The following ZNF30 variants were observed in gnomAD, a reference collection of about 807,000 sequenced individuals.
ZNF30 encodes zinc finger protein 30, also known as zinc finger protein 30 (KOX 28).
A neutral mutation model predicts 13.2 loss-of-function variants in ZNF30; 15 were observed. The observed-to-expected ratio is 1.13, with a 90% CI of 0.76 to 1.75. The LOEUF (loss-of-function observed/expected upper bound fraction) is 1.75, where lower values mean the gene tolerates loss of function less well. ZNF30 is among the 40% of genes most tolerant of loss of function. ZNF30 has a pLI of 0.00. For synonymous variants in ZNF30, 223 were observed against 256.6 expected, an observed-to-expected ratio of 0.87 and a Z score of 1.25; for missense variants, 726 against 757.0, an observed-to-expected ratio of 0.96 and a Z score of 0.48.
upstream of ZNF30, among the ~76,000 whole-genome samples, chr19:34,924,992 A>G (rs2151658729): frequency 6.6e-6 from 1 of 152,326 alleles, no homozygotes; most frequent in South Asian, 2.1e-4. Flanking sequence ...ATGCGAGGCT[A>G]CTTAGGTTGA....
chr19:34,926,894 G>C (rs1469574275), upstream of ZNF30: 1 of 398,242 alleles, frequency 2.5e-6, no homozygotes, highest in African/African-American at 2.1e-5. Flanking sequence ...CCGGGCGCCG[G>C]TGGGCGGCCT....
Position 34,944,374 on chromosome 19 carries a change from C to T in ZNF30, c.1408C>T (p.His470Tyr). The T allele has an allele frequency of 6.2e-7, 1 of 1,613,890 alleles. No homozygotes were observed. The highest frequency in any genetic ancestry group is 1.7e-5 in the Admixed American group (1 of 60,000). ...ECGKAFRVHV[H>Y]LTQHRKIHTD... is the part of the protein sequence containing the mutation. Reference sequence around the variant, plus strand: ...TGGCAAGGCCTTCAGAGTGCACGTACATCTCACACAGCATCGGAAAATTCA... The same window carrying T: ...TGGCAAGGCCTTCAGAGTGCACGTATATCTCACACAGCATCGGAAAATTCA... The change falls in exon 5 of 5, where the codon CAT becomes TAT. Residue 470 changes from histidine (H) to tyrosine (Y), a missense_variant. Physicochemically the swap from His to Tyr is moderately conservative, Grantham distance 83. Transcript: ENST00000601142.
intron 3 of ZNF30, among the ~76,000 whole-genome samples, chr19:34,932,725 T>C (rs1469975336): frequency 6.6e-6 from 1 of 151,906 alleles, no homozygotes; most frequent in Non-Finnish European, 1.5e-5. Context: ...AGCAGAAACT[T>C]GAACCCAGGC....
intron 4 of ZNF30, 69 bp from the exon 5 acceptor site, chr19:34,943,154 T>C (rs1275786706): frequency 8.1e-7 from 1 of 1,236,616 alleles, no homozygotes; most frequent in Non-Finnish European, 1.1e-6. Context: ...TATTTTCAGT[T>C]TTTCTCTTTT....
At position 34,926,984 on chromosome 19, in the gene ZNF30, T is replaced by C. The variant is rs1173748995; in HGVS notation, c.-297T>C. ...AGAGGCTGCAGCTATCCGGCCAATGTAGCCTGAAACTACATTTCTCAGCGG... is the reference window on the plus strand; with the variant it reads ...AGAGGCTGCAGCTATCCGGCCAATGCAGCCTGAAACTACATTTCTCAGCGG... On this transcript the variant is annotated 5_prime_UTR_variant, in exon 1 of 5. It removes the in-frame stop codon of an upstream open reading frame in the 5' UTR. Transcript: ENST00000601142. 1 of 398,630 alleles carries C rather than the reference T, an allele frequency of 2.5e-6. No homozygotes were observed. Among genetic ancestry groups the C allele is most frequent in the East Asian group, 3.6e-5 (1 of 28,078 alleles). The allele number at this position is 398,630 out of a possible 1,614,324, so 24.7% of individuals were successfully genotyped here.
intron 4 of ZNF30, among the ~76,000 whole-genome samples, chr19:34,938,411 A>G (rs1199639595): frequency 6.6e-6 from 1 of 151,998 alleles, no homozygotes; most frequent in Non-Finnish European, 1.5e-5. Flanking sequence ...ACCTCTTAAT[A>G]TCTAGAAGTA....
intron 1 of ZNF30, among the ~76,000 whole-genome samples, chr19:34,929,404 C>A (rs1171830456): frequency 6.6e-6 from 1 of 152,206 alleles, no homozygotes; most frequent in East Asian, 1.9e-4. Context: ...GGAGCTGATA[C>A]TCCTATTACT....
intron 4 of ZNF30, among the ~76,000 whole-genome samples, chr19:34,936,438 G>A (rs190379231): frequency 2.0e-4 from 30 of 152,194 alleles, no homozygotes; most frequent in Non-Finnish European, 3.4e-4. Context: ...GTACGGTCAC[G>A]TGAGATGGTA....
upstream of ZNF30, chr19:34,926,855 C>T: frequency 2.5e-6 from 1 of 397,366 alleles, no homozygotes; most frequent in Non-Finnish European, 4.4e-6. Flanking sequence ...CCTGCGCATT[C>T]TCAGCCGGAC....
chr19:34,930,115 G>A (rs1295295973), intron 2 of ZNF30, among the ~76,000 whole-genome samples, 159 bp downstream of exon 2: 1 of 152,108 alleles, frequency 6.6e-6, no homozygotes, highest in Non-Finnish European at 1.5e-5. Flanking sequence ...TCCTCCTTAC[G>A]AGGTCCTCAT....
chr19:34,937,821 C>T (rs1408987945), intron 4 of ZNF30, among the ~76,000 whole-genome samples: 1 of 151,870 alleles, frequency 6.6e-6, no homozygotes, highest in East Asian at 1.9e-4. Context: ...TTTTTCAAGA[C>T]GGAGTCCCAC....
rs1342296887 is a variant in ZNF30, at chr19:34,931,990, A to T, written c.157A>T (p.Met53Leu). The T allele has an allele frequency of 8.1e-6, 13 of 1,595,334 alleles. No homozygotes were observed. Among genetic ancestry groups the T allele is most frequent in the Non-Finnish European group, 1.0e-5 (12 of 1,173,718 alleles). The part of the protein sequence containing the change: ...MLENYRNLVS[M>L]GHSRSKPHVI... ...GGAGAACTACAGGAACTTGGTGTCA[A>T]TGGGTAAGTGTACTTCTCTCAAATA... The change falls in exon 3 of 5, where the codon ATG (methionine) becomes TTG (leucine). Residue 53 changes from methionine to leucine, a missense_variant. Met to Leu is a conservative substitution (Grantham distance 15). Transcript: ENST00000601142.
chr19:34,924,296 T>C (rs1303249057), upstream of ZNF30, among the ~76,000 whole-genome samples: 2 of 152,164 alleles, frequency 1.3e-5, no homozygotes, highest in Admixed American at 6.5e-5. Context: ...AAAAACCCTA[T>C]GATTTAAAAA....
chr19:34,931,015 C>A (rs1184959134), intron 2 of ZNF30, among the ~76,000 whole-genome samples: 1 of 150,356 alleles, frequency 6.7e-6, no homozygotes, highest in Non-Finnish European at 1.5e-5. Context: ...AGTATAAAAT[C>A]ATTACTTTTT....
chr19:34,934,698 T>C (rs115191315), intron 4 of ZNF30, among the ~76,000 whole-genome samples: 1,670 of 152,306 alleles, frequency 0.011, 37 homozygotes, highest in African/African-American at 0.038. Context: ...TACAGCTTGA[T>C]GAGTTATTAT....
intron 4 of ZNF30, among the ~76,000 whole-genome samples, chr19:34,940,304 A>G (rs374473163): frequency 1.3e-5 from 2 of 152,170 alleles, no homozygotes; most frequent in East Asian, 1.9e-4. Context: ...TCTTGGGACC[A>G]TGATTATCCA....
At chr19:34,935,300 G>A (rs1434166157) in intron 4 of ZNF30, among the ~76,000 whole-genome samples, 3 of 152,066 alleles carry the variant, frequency 2.0e-5, no homozygotes, top group Non-Finnish European at 4.4e-5. Flanking sequence ...TTGGAAAGTT[G>A]TACTAAGAAT....
chr19:34,942,697 A>G, intron 4 of ZNF30: 2 of 1,191,738 alleles, frequency 1.7e-6, no homozygotes, highest in Non-Finnish European at 2.2e-6. Context: ...TAAGAACGTC[A>G]AGGTGCTAAA....
chr19:34,926,669 A>AT (rs1458622685), upstream of ZNF30: 1 of 311,820 alleles, frequency 3.2e-6, no homozygotes, highest in Admixed American at 5.0e-5. Context: ...TGTTAAAGTA[A>AT]TAACATATTT....
Sources: allele counts gnomAD v4.1 joint callset (sites outside exome capture counted in the v4.1 genomes callset), GRCh38; gene constraint gnomAD v4.1.1; transcripts MANE v1.5; gene names NCBI Gene and HGNC (gene_info 2026-07-23, HGNC 2026-07-21).